The following ATP11B variants were observed in gnomAD, a reference collection of about 807,000 sequenced individuals.
ATP11B encodes phospholipid-transporting ATPase IF.
In ATP11B, 81 loss-of-function variants were observed where a neutral mutation model predicts 157.8. That is an observed-to-expected ratio of 0.51 (90% CI 0.43 to 0.62). The LOEUF is 0.62. Among genes scored for constraint, ATP11B ranks in the 20% least tolerant of loss-of-function variants. The pLI is 0.00. For synonymous variants in ATP11B, 451 were observed against 469.4 expected, an observed-to-expected ratio of 0.96 and a Z score of 0.51; for missense variants, 1,165 against 1,402.2, an observed-to-expected ratio of 0.83 and a Z score of 2.70.
At chr3:182,865,386 GA>G (rs1721153547) in intron 12 of ATP11B, 69 bp from the exon 13 acceptor site, 41 of 1,504,298 alleles carry the variant, frequency 2.7e-5, no homozygotes, top group Non-Finnish European at 3.3e-5. Context: ...CGAGGACAGA[GA>G]TTTTTTTCTT....
intron 11 of ATP11B, among the ~76,000 whole-genome samples, chr3:182,858,387 T>A (rs1440115375): frequency 6.6e-6 from 1 of 152,234 alleles, no homozygotes; most frequent in Non-Finnish European, 1.5e-5. Flanking sequence ...ATTTTTAATT[T>A]TGTCTTAATA....
intron 1 of ATP11B, among the ~76,000 whole-genome samples, chr3:182,798,879 T>A (rs528667899): frequency 6.6e-6 from 1 of 152,382 alleles, no homozygotes; most frequent in African/African-American, 2.4e-5. Flanking sequence ...ATACATGTAT[T>A]TGGTTAAATA....
rs1560101433 is a variant in ATP11B at position 182,869,296 on chromosome 3, G to GA, written c.1837dup (p.Thr613AsnfsTer7). The GA allele has an allele frequency of 6.2e-7, 1 of 1,606,700 alleles. No individual in the cohort carries two copies. Among genetic ancestry groups the GA allele is most frequent in the Non-Finnish European group, 8.5e-7 (1 of 1,176,974 alleles). On this transcript the variant is annotated frameshift_variant, in exon 17 of 30. Coordinates refer to ENST00000323116, the MANE Select transcript of ATP11B (RefSeq NM_014616.3). LOFTEE classifies it high-confidence loss of function. ...CCCTAAATGTATAGGTGGAGAAATA[G>GA]AAAAAACCAGAATTCATGTAGATGA...
At chr3:182,801,416 C>A (rs1359228543) in intron 1 of ATP11B, among the ~76,000 whole-genome samples, 5 of 152,118 alleles carry the variant, frequency 3.3e-5, no homozygotes, top group African/African-American at 7.2e-5. Flanking sequence ...CTGTGTGAAG[C>A]CGGTAAAGCT....
chr3:182,830,037 T>C (rs1718010547), intron 4 of ATP11B: 11 of 656,814 alleles, frequency 1.7e-5, no homozygotes, highest in Non-Finnish European at 2.1e-5. Flanking sequence ...ATATATGAAA[T>C]AGATTTCTTA....
In ATP11B at chr3:182,845,010, T is replaced by TTTTTTTTTTTTTA. The variant is rs1560081901; in HGVS notation, c.705-443_705-442insTTTTTTTATTTTT. On this transcript the variant is annotated intron_variant, in intron 8 of 29. Transcript: ENST00000323116. ...TTTTTTTTTATTTTTTTTTTTATTT[T>TTTTTTTTTTTTTA]TTTTTATTTTTGAGATGGAGTCTCA... Among the ~76,000 whole-genome samples, 3 of 68,250 alleles carry TTTTTTTTTTTTTA rather than the reference T, an allele frequency of 4.4e-5. 1 individual carries two copies. The highest frequency in any genetic ancestry group is 1.2e-4 in the African/African-American group (3 of 24,220). 44.8% of individuals were successfully genotyped at this position (68,250 alleles called of 152,430 possible).
At chr3:182,821,241 T>C (rs1169459340) in intron 2 of ATP11B, among the ~76,000 whole-genome samples, 1 of 152,162 alleles carries the variant, frequency 6.6e-6, no homozygotes, top group Non-Finnish European at 1.5e-5. Context: ...CCCAAGTAGC[T>C]GGGATTACAG....
At chr3:182,821,641 A>G (rs1419094518) in intron 2 of ATP11B, among the ~76,000 whole-genome samples, 2 of 152,210 alleles carry the variant, frequency 1.3e-5, no homozygotes, top group East Asian at 3.8e-4. Context: ...GTCCCATATG[A>G]TGGCCAATAA....
chr3:182,828,263 C>A, intron 3 of ATP11B, 54 bp downstream of exon 3: 2 of 885,996 alleles, frequency 2.3e-6, no homozygotes, highest in South Asian at 2.1e-5. Flanking sequence ...AAAAATATGT[C>A]TTGGAACAAA....
At chr3:182,841,977 C>CAAAAAAAAAAAAAAAAAAAA (rs11401208) in intron 7 of ATP11B, 98 bp from the exon 8 acceptor site, 1 of 330,608 alleles carries the variant, frequency 3.0e-6, no homozygotes, top group Non-Finnish European at 5.0e-6. Flanking sequence ...AGACTCGTCT[C>CAAAAAAAAAAAAAAAAAAAA]AAAAAAAAAA....
chr3:182,878,385 TGTG>T (rs1270758216), intron 19 of ATP11B, among the ~76,000 whole-genome samples: 17 of 152,338 alleles, frequency 1.1e-4, no homozygotes, highest in South Asian at 4.1e-4. Flanking sequence ...GGTATTTTCT[TGTG>T]GTGTATATAG....
At chr3:182,819,361 G>A (rs942421999) in intron 1 of ATP11B, among the ~76,000 whole-genome samples, 2 of 152,126 alleles carry the variant, frequency 1.3e-5, no homozygotes, top group African/African-American at 4.8e-5. Context: ...ATAAGCCAGC[G>A]CGCCCGGCGT....
rs535298371 is a variant in ATP11B, at chr3:182,831,607, T to G, written c.315+1855T>G. Among the ~76,000 whole-genome samples the G allele has an allele frequency of 2.0e-5, 3 of 151,950 alleles. No individual in the cohort carries two copies. In the South Asian group the frequency reaches 6.2e-4, roughly 32 times the overall value. ...TTTTTTAAACTCACTGTGCTGCAGC[T>G]ACACTCCTCTACTTGTCCTCGAACA... On this transcript the variant is annotated intron_variant, in intron 4 of 29. Transcript: ENST00000323116.
chr3:182,881,262 C>T (rs1350539686), intron 21 of ATP11B, among the ~76,000 whole-genome samples: 1 of 152,098 alleles, frequency 6.6e-6, no homozygotes, highest in Non-Finnish European at 1.5e-5. Context: ...GGTGAAACCC[C>T]GTCTCTACTA....
rs535703870 is a variant in ATP11B at position 182,850,430 on chromosome 3, G to A, written c.851+1873G>A. 6.4e-4 allele frequency among the ~76,000 whole-genome samples: 97 copies of A among 152,002 alleles called. 3 individuals carry two copies. The South Asian group carries it at 8.5e-3, about 13-fold the overall frequency. On this transcript the variant is annotated intron_variant, in intron 10 of 29. Transcript: ENST00000323116. The stretch of plus-strand genomic sequence containing the variant: ...AGAGGTTGCAGTGAGCTGAGATCAC[G>A]CCACTGCACTCCAGCCTGGGCAACA...
intron 2 of ATP11B, among the ~76,000 whole-genome samples, chr3:182,825,722 CAA>C (rs1214752270): frequency 0.048 from 4,300 of 89,518 alleles, 235 homozygotes; most frequent in African/African-American, 0.15. Context: ...GACTCTGTCT[CAA>C]AAAAAAAAAA....
intron 1 of ATP11B, among the ~76,000 whole-genome samples, chr3:182,794,957 T>G (rs999818671): frequency 3.3e-5 from 5 of 152,184 alleles, no homozygotes; most frequent in African/African-American, 1.2e-4. Context: ...TAGAAAAGCA[T>G]TTTAACGTTA....
In ATP11B at chr3:182,918,552, A is replaced by T. The variant is rs1293035769; in HGVS notation, c.*448A>T. 2.5e-6 allele frequency: 1 copy of T among 393,110 alleles called. No homozygotes were observed. The highest frequency in any genetic ancestry group is 4.4e-5 in the Admixed American group (1 of 22,590). The allele number at this position is 393,110 out of a possible 1,614,324, so 24.4% of individuals were successfully genotyped here. On this transcript the variant is annotated 3_prime_UTR_variant, in exon 30 of 30. Coordinates refer to ENST00000323116, the MANE Select transcript of ATP11B (RefSeq NM_014616.3). ...GCCTTGAGAACTCTATTTTTTTATT[A>T]GAGTTATATTTAAAGCTTTTCATGG...
Position 182,896,732 on chromosome 3 carries a change from C to T in ATP11B, c.3015C>T (p.Val1005=). 6.2e-7 allele frequency: 1 copy of T among 1,613,100 alleles called. No homozygotes were observed. Among genetic ancestry groups the T allele is most frequent in the Non-Finnish European group, 8.5e-7 (1 of 1,179,352 alleles). The change falls in exon 26 of 30, where the codon GTC becomes GTT. Residue 1005 remains valine, a synonymous_variant. Transcript: ENST00000323116. ...GAAACTGGACATTTGGCACTTTGGT[C>T]TTCACAGTCATGGTTATTACAGTCA... The part of the protein sequence containing the change: ...MFGNWTFGTL[V]FTVMVITVTV...
Sources: gnomAD v4.1 joint callset for allele counts (sites outside exome capture counted in the v4.1 genomes callset) on GRCh38, gnomAD v4.1.1 for gene constraint, MANE v1.5 for transcripts, NCBI Gene and HGNC (gene_info 2026-07-23, HGNC 2026-07-21) for gene names.